Variants in GRID1 observed in about 807,000 individuals in gnomAD.
The protein encoded by GRID1 is glutamate receptor ionotropic, delta-1.
A neutral mutation model predicts 98.0 loss-of-function variants in GRID1; 28 were observed. That is an observed-to-expected ratio of 0.29 (90% CI 0.21 to 0.39). The LOEUF is 0.39. Among genes scored for constraint, GRID1 ranks in the 10% least tolerant of loss-of-function variants. GRID1 has a pLI of 1.00. For synonymous variants in GRID1, 553 were observed against 538.5 expected (o/e 1.03, Z -0.37); for missense variants, 1,111 against 1,340.5 (o/e 0.83, Z 2.67).
At chr10:86,087,380 G>A (rs534007811) in intron 4 of GRID1, among the ~76,000 whole-genome samples, 1 of 149,214 alleles carries the variant, frequency 6.7e-6, no homozygotes, top group South Asian at 2.1e-4. Context: ...GTGAGTGTCT[G>A]CATAATGGAG....
At chr10:85,828,742 C>T (rs1435778447) in intron 8 of GRID1, among the ~76,000 whole-genome samples, 1 of 152,010 alleles carries the variant, frequency 6.6e-6, no homozygotes, top group African/African-American at 2.4e-5. Flanking sequence ...CATACAACCT[C>T]CCAAAATTGA....
rs377579130 is a variant in GRID1 at position 86,195,279 on chromosome 10, T to C, written c.520+11085A>G. On this transcript the variant is annotated intron_variant, in intron 3 of 15. Coordinates refer to ENST00000327946, the MANE Select transcript of GRID1 (RefSeq NM_017551.3). This position sits in a 1 kb window ranked among gnomAD's most constrained non-coding sequence, Gnocchi z 4.4. ...AAGGTTGAGCTGGAATTGCCATCCA[T>C]TCTGTCCTTCATGGTCTCCTGTAGA... is the stretch of plus-strand genomic sequence containing the variant. Among the ~76,000 whole-genome samples the C allele has an allele frequency of 6.6e-6, 1 of 152,078 alleles. No homozygotes were observed. Among genetic ancestry groups the C allele is most frequent in the Non-Finnish European group, 1.5e-5 (1 of 67,958 alleles).
In GRID1 at chr10:86,031,627, C is replaced by G. The variant is rs185470246; in HGVS notation, c.726+107192G>C. 7.7e-4 allele frequency among the ~76,000 whole-genome samples: 117 copies of G among 152,070 alleles called. 2 individuals are homozygous for G. Among genetic ancestry groups the G allele is most frequent in the Admixed American group, 3.8e-3 (58 of 15,268 alleles). On this transcript the variant is annotated intron_variant, in intron 4 of 15. Coordinates refer to ENST00000327946, the MANE Select transcript of GRID1 (RefSeq NM_017551.3). ...CACTGTTTAGGTTTTCCACCTCTGC[C>G]CCCCCTCATCAAAGCCCCTACCACC...
intron 4 of GRID1, among the ~76,000 whole-genome samples, chr10:85,983,963 C>A (rs1258042909): frequency 6.6e-6 from 1 of 152,136 alleles, no homozygotes; most frequent in Non-Finnish European, 1.5e-5. Flanking sequence ...CTGAAGTCCT[C>A]CTCATACCTG....
chr10:86,331,584 CAG>C (rs1368627891), intron 2 of GRID1, among the ~76,000 whole-genome samples: 1 of 152,190 alleles, frequency 6.6e-6, no homozygotes. Context: ...GCTGGAGAGA[CAG>C]AGACTCCTAG....
At chr10:85,797,318 T>A (rs1842534399) in intron 8 of GRID1, among the ~76,000 whole-genome samples, 2 of 152,216 alleles carry the variant, frequency 1.3e-5, no homozygotes, top group African/African-American at 4.8e-5. Flanking sequence ...ACTCGGGTAC[T>A]GAGTATAGTA....
chr10:85,786,945 C>A (rs944836109), intron 8 of GRID1, among the ~76,000 whole-genome samples: 1 of 152,182 alleles, frequency 6.6e-6, no homozygotes, highest in African/African-American at 2.4e-5. Flanking sequence ...CTCCAGCCTG[C>A]CTGGAGGTCA....
intron 5 of GRID1, among the ~76,000 whole-genome samples, chr10:85,879,072 T>C (rs971261138): frequency 1.3e-5 from 2 of 152,066 alleles, no homozygotes; most frequent in African/African-American, 4.8e-5. Flanking sequence ...AAGAGCTAAC[T>C]ATCCTAAATA....
chr10:86,013,965 G>C (rs894718006), intron 4 of GRID1, among the ~76,000 whole-genome samples: 1 of 152,222 alleles, frequency 6.6e-6, no homozygotes, highest in African/African-American at 2.4e-5. Context: ...TATTCACAAA[G>C]AGGCACAACA....
chr10:86,187,951 C>A (rs1304954894), intron 3 of GRID1, among the ~76,000 whole-genome samples: 1 of 152,198 alleles, frequency 6.6e-6, no homozygotes, highest in Non-Finnish European at 1.5e-5. Flanking sequence ...AAGGAAGAGA[C>A]CCACCAAAAG....
At chr10:85,651,514 C>T (rs144589367) in intron 12 of GRID1, among the ~76,000 whole-genome samples, 10 of 152,338 alleles carry the variant, frequency 6.6e-5, no homozygotes, top group Middle Eastern at 6.8e-3. Flanking sequence ...CAGTCTACTG[C>T]CTTGTCAACA....
chr10:86,347,826 C>G (rs893797102), intron 2 of GRID1, among the ~76,000 whole-genome samples: 1 of 152,214 alleles, frequency 6.6e-6, no homozygotes, highest in African/African-American at 2.4e-5. Context: ...TGATTTCAGA[C>G]CCACAGCAGG....
chr10:86,160,753 C>A (rs1845310370), intron 3 of GRID1, among the ~76,000 whole-genome samples: 1 of 152,212 alleles, frequency 6.6e-6, no homozygotes, highest in African/African-American at 2.4e-5. Context: ...ATAATAACCC[C>A]ATTTTTACAG....
chr10:85,869,404 G>A (rs1326323303), intron 5 of GRID1, among the ~76,000 whole-genome samples: 2 of 152,218 alleles, frequency 1.3e-5, no homozygotes, highest in Non-Finnish European at 2.9e-5. Flanking sequence ...GCTAGAAAAA[G>A]ACGTTTGAGA....
intron 8 of GRID1, among the ~76,000 whole-genome samples, chr10:85,813,939 C>T (rs548523574): frequency 6.6e-6 from 1 of 151,494 alleles, no homozygotes; most frequent in Non-Finnish European, 1.5e-5. Context: ...CTACGTAAAT[C>T]CCTTAAATAT....
Position 85,647,411 on chromosome 10 carries a change from A to G in GRID1, c.1998-14T>C. The G allele has an allele frequency of 6.2e-7, 1 of 1,605,092 alleles. No individual in the cohort carries two copies. The highest frequency in any genetic ancestry group is 1.1e-5 in the South Asian group (1 of 90,724). On this transcript the variant is annotated splice_polypyrimidine_tract_variant and intron_variant, in intron 12 of 15. Coordinates refer to ENST00000327946, the MANE Select transcript of GRID1 (RefSeq NM_017551.3). The stretch of plus-strand genomic sequence containing the variant: ...TCCTGGAAAGTCCTGAAATGCAGAA[A>G]GGCAGCGAGGCATGAGTACATGCTG...
chr10:86,253,623 A>C (rs1846870718), intron 2 of GRID1, among the ~76,000 whole-genome samples: 1 of 152,110 alleles, frequency 6.6e-6, no homozygotes, highest in African/African-American at 2.4e-5. Flanking sequence ...TTCTTGGACT[A>C]CACTGCAGCA....
chr10:86,348,205 T>C (rs1848414439), intron 2 of GRID1, among the ~76,000 whole-genome samples: 1 of 152,184 alleles, frequency 6.6e-6, no homozygotes, highest in African/African-American at 2.4e-5. Context: ...GCTCCACCCC[T>C]GCATGTGCCT....
intron 4 of GRID1, among the ~76,000 whole-genome samples, chr10:86,057,538 G>A (rs1029735062): frequency 4.6e-5 from 7 of 152,132 alleles, no homozygotes; most frequent in African/African-American, 1.4e-4. Context: ...CTACTCCATT[G>A]GCCCTCGGGT....
Sources: gnomAD v4.1 joint callset for allele counts (sites outside exome capture counted in the v4.1 genomes callset) on GRCh38, gnomAD v4.1.1 for gene constraint, Gnocchi (gnomAD v3.1) non-coding constraint, MANE v1.5 for transcripts, NCBI Gene and HGNC (gene_info 2026-07-23, HGNC 2026-07-21) for gene names.